The following ABCC9 variants were observed in gnomAD, a reference collection of about 807,000 sequenced individuals.
ABCC9 encodes ATP-binding cassette sub-family C member 9.
Under a neutral mutation model 188.3 loss-of-function variants are expected in ABCC9, and 95 were observed. That is an observed-to-expected ratio of 0.50 (90% confidence interval 0.43 to 0.60). ABCC9 has a LOEUF of 0.60. Ranked by LOEUF, ABCC9 falls within the 20% of genes least tolerant of loss-of-function variation. The probability of loss-of-function intolerance (pLI) is 0.00; values close to 1 mark genes in which losing one functional copy is unlikely to be tolerated. For synonymous variants in ABCC9, 659 were observed against 652.7 expected, an observed-to-expected ratio of 1.01 and a Z score of -0.15; for missense variants, 1,102 against 1,876.3, an observed-to-expected ratio of 0.59 and a Z score of 7.62.
At chr12:21,882,159 G>A (rs1355168398) in intron 16 of ABCC9, among the ~76,000 whole-genome samples, 3 of 152,178 alleles carry the variant, frequency 2.0e-5, no homozygotes, top group Non-Finnish European at 4.4e-5. Context: ...AGTTTGCTAA[G>A]TTTCCAGGAC....
At chr12:21,843,173 T>C (rs1392677943) in intron 28 of ABCC9, among the ~76,000 whole-genome samples, 1 of 152,192 alleles carries the variant, frequency 6.6e-6, no homozygotes, top group Non-Finnish European at 1.5e-5. Context: ...TAAAACTATT[T>C]TCCTACATTA....
intron 30 of ABCC9, among the ~76,000 whole-genome samples, chr12:21,834,826 C>G (rs1254660484): frequency 3.4e-5 from 5 of 148,102 alleles, no homozygotes; most frequent in African/African-American, 1.0e-4. Flanking sequence ...CACACACACA[C>G]AGTGCGCACA....
At chr12:21,854,978 A>AT (rs1351832580) in intron 22 of ABCC9, among the ~76,000 whole-genome samples, 6 of 152,160 alleles carry the variant, frequency 3.9e-5, no homozygotes, top group Non-Finnish European at 5.9e-5. Flanking sequence ...GCAAATCTTG[A>AT]TATCAGCAAA....
chr12:21,823,729 A>G (rs1167882873), intron 31 of ABCC9, among the ~76,000 whole-genome samples: 18 of 152,242 alleles, frequency 1.2e-4, no homozygotes. Context: ...TGTTTAGTCC[A>G]AAGGGATGAA....
intron 12 of ABCC9, among the ~76,000 whole-genome samples, chr12:21,903,004 G>C (rs1947846517): frequency 1.3e-5 from 2 of 152,164 alleles, no homozygotes; most frequent in African/African-American, 4.8e-5. Context: ...GAGAATTTTA[G>C]ACCAATATCC....
At chr12:21,909,040 G>C (rs1255562257) in intron 10 of ABCC9, among the ~76,000 whole-genome samples, 3 of 151,746 alleles carry the variant, frequency 2.0e-5, no homozygotes, top group African/African-American at 7.3e-5. Context: ...CAGCTGTCTG[G>C]GGCCAATGAC....
chr12:21,927,056 A>G (rs1286690559), intron 4 of ABCC9, among the ~76,000 whole-genome samples: 1 of 152,246 alleles, frequency 6.6e-6, no homozygotes, highest in Admixed American at 6.5e-5. Context: ...GACAATGGGA[A>G]CTGAAATATG....
At chr12:21,910,750 A>T in intron 9 of ABCC9, 76 bp downstream of exon 9, 1 of 1,361,532 alleles carries the variant, frequency 7.3e-7, no homozygotes, top group Non-Finnish European at 1.0e-6. Context: ...AACAAAACTG[A>T]AGCTACCGCT....
intron 16 of ABCC9, 89 bp downstream of exon 16, chr12:21,882,677 C>T: frequency 8.5e-7 from 1 of 1,179,130 alleles, no homozygotes; most frequent in Non-Finnish European, 1.3e-6. Context: ...AATTTAAAGG[C>T]ACAATTTGGG....
rs182986011 is a variant in ABCC9, at chr12:21,805,812, A to G, written c.4512+186T>C. ...CTTAGGGAAGTCAGTTAGGTAGAGC[A>G]GACAGTTTGGAAAAGAACAATGCTT... On this transcript the variant is annotated intron_variant, in intron 39 of 39. Transcript: ENST00000261200. Among the ~76,000 whole-genome samples, 352 of 152,334 alleles carry G rather than the reference A, an allele frequency of 2.3e-3. 2 individuals are homozygous for G. In the Middle Eastern group the frequency reaches 0.031, roughly 13 times the overall value.
intron 5 of ABCC9, among the ~76,000 whole-genome samples, chr12:21,918,041 A>G (rs1288318796): frequency 6.9e-6 from 1 of 145,766 alleles, no homozygotes; most frequent in African/African-American, 2.5e-5. Context: ...AAAAAAAAAA[A>G]CAGACCAAAT....
intron 1 of ABCC9, 63 bp from the exon 2 acceptor site, chr12:21,940,888 G>C (rs1455219990): frequency 6.6e-6 from 1 of 152,072 alleles, no homozygotes; most frequent in Non-Finnish European, 1.5e-5. Context: ...GAACATACAA[G>C]AATTGTCTAC....
rs1380897239 is a variant in ABCC9, at chr12:21,860,971, C to G, written c.2424G>C (p.Arg808Ser). 6.2e-7 allele frequency: 1 copy of G among 1,610,040 alleles called. No homozygotes were observed. The highest frequency in any genetic ancestry group is 1.3e-5 in the African/African-American group (1 of 74,784). The change falls in exon 21 of 40, where the codon AGG becomes AGC. Residue 808 changes from arginine to serine, a missense_variant and splice_region_variant. Transcript: ENST00000261200. ...PFGDQTEIGE[R>S]GINLSGGQRQ... ...CTTAATGAAACTATATATAGCTCAC[C>G]CTCTCTCCAATTTCAGTTTGATCTC...
At chr12:21,846,028 A>G (rs1944649383) in intron 25 of ABCC9, among the ~76,000 whole-genome samples, 196 bp from the exon 26 acceptor site, 2 of 152,222 alleles carry the variant, frequency 1.3e-5, no homozygotes, top group African/African-American at 4.8e-5. Flanking sequence ...TGAATGAGTG[A>G]TAAAACAAAT....
At chr12:21,806,502 C>A (rs1941856680) in intron 38 of ABCC9, among the ~76,000 whole-genome samples, 1 of 152,172 alleles carries the variant, frequency 6.6e-6, no homozygotes, top group African/African-American at 2.4e-5. Flanking sequence ...CTGTTTTTAT[C>A]TCCACCACAA....
intron 21 of ABCC9, among the ~76,000 whole-genome samples, chr12:21,860,765 G>A (rs1207105710): frequency 6.6e-6 from 1 of 152,144 alleles, no homozygotes; most frequent in African/African-American, 2.4e-5. Flanking sequence ...ACCATGTTAA[G>A]TATACAGTGA....
chr12:21,910,221 A>G lies in ABCC9; in HGVS notation c.1256T>C (p.Ile419Thr), dbSNP rs1186163590. 1.9e-6 allele frequency: 3 copies of G among 1,611,946 alleles called. No individual in the cohort carries two copies. The highest frequency in any genetic ancestry group is 1.3e-5 in the African/African-American group (1 of 74,876). ...TLGQINNLVAIETNQLMWFLF... is the reference protein window; with the variant it reads ...TLGQINNLVATETNQLMWFLF... ...AAACCACATGAGTTGATTAGTTTCA[A>G]TGGCGACTAAGTTGTTGATCTGCCC... is the stretch of plus-strand genomic sequence containing the variant. Residue 419 changes from isoleucine to threonine, a missense_variant, in exon 10 of 40, where the codon ATT (isoleucine) becomes ACT (threonine). Around this residue, in one of 12 missense-constraint regions of ABCC9, gnomAD observed 305 missense variants for 573.0 expected, o/e 0.53. Coordinates refer to ENST00000261200, the MANE Select transcript of ABCC9 (RefSeq NM_020297.4).
intron 22 of ABCC9, among the ~76,000 whole-genome samples, chr12:21,857,771 C>T (rs924343681): frequency 4.6e-5 from 7 of 152,092 alleles, no homozygotes; most frequent in Non-Finnish European, 5.9e-5. Context: ...AGCTTGTAAA[C>T]GCTGGAAAAA....
At chr12:21,913,103 CAAAAT>C (rs1309638522) in intron 7 of ABCC9, 37 bp from the exon 8 acceptor site, 1 of 1,549,830 alleles carries the variant, frequency 6.5e-7, no homozygotes, top group Non-Finnish European at 8.8e-7. Flanking sequence ...ACAGATGTAA[CAAAAT>C]AAAACTGCTT....
Sources: allele counts gnomAD v4.1 joint callset (sites outside exome capture counted in the v4.1 genomes callset), GRCh38; gene constraint gnomAD v4.1.1; regional missense constraint gnomAD v4.1.1; transcripts MANE v1.5; gene names NCBI Gene and HGNC (gene_info 2026-07-23, HGNC 2026-07-21).